The following INSYN2A variants were observed in gnomAD, a reference collection of about 807,000 sequenced individuals.
INSYN2A encodes inhibitory synaptic factor 2A.
INSYN2A carries 17 observed loss-of-function variants against 39.4 expected under a neutral mutation model. The observed-to-expected ratio is 0.43, with a 90% CI of 0.30 to 0.65. The LOEUF is 0.65. Among genes scored for constraint, INSYN2A ranks in the 30% least tolerant of loss-of-function variants. The pLI, the probability that INSYN2A is intolerant of heterozygous loss-of-function variation, is 0.14. For missense variants in INSYN2A, 595 were observed against 631.2 expected, an observed-to-expected ratio of 0.94 and a Z score of 0.61; for synonymous variants, 255 against 265.7, an observed-to-expected ratio of 0.96 and a Z score of 0.39.
At chr10:127,145,361 TC>T (rs2051711792) in intron 5 of INSYN2A, among the ~76,000 whole-genome samples, 1 of 152,092 alleles carries the variant, frequency 6.6e-6, no homozygotes, top group Non-Finnish European at 1.5e-5. Flanking sequence ...TCTTATGCCA[TC>T]CCCCTAGGAA....
chr10:127,188,750 CTT>C (rs1169331964), intron 2 of INSYN2A, among the ~76,000 whole-genome samples: 5 of 152,320 alleles, frequency 3.3e-5, no homozygotes, highest in African/African-American at 1.2e-4. Flanking sequence ...AAAGGTAACA[CTT>C]GTGTATAACA....
chr10:127,166,964 G>GCACA (rs1196948978), intron 4 of INSYN2A, among the ~76,000 whole-genome samples: 1 of 151,788 alleles, frequency 6.6e-6, no homozygotes, highest in Non-Finnish European at 1.5e-5. Context: ...TTGGCATTCT[G>GCACA]CACAGGAAGA....
chr10:127,158,665 A>G (rs1310311878), intron 4 of INSYN2A, among the ~76,000 whole-genome samples: 1 of 152,124 alleles, frequency 6.6e-6, no homozygotes, highest in Non-Finnish European at 1.5e-5. Flanking sequence ...GTGGACAAAA[A>G]CCCTGACAGG....
At position 127,190,664 on chromosome 10, in the gene INSYN2A, TTCCCCCCCCC is replaced by T. The variant is rs1412427153; in HGVS notation, c.-269+1931_-269+1940del. ...TCAAATATTTAATAGAAATCCTATC[TTCCCCCCCCC>T]CCCCCCCCCGTTCCTGCTGGCTCCC... On this transcript the variant is annotated intron_variant, in intron 2 of 5. Transcript: ENST00000522781. 3.6e-3 allele frequency among the ~76,000 whole-genome samples: 55 copies of T among 15,266 alleles called. 19 individuals carry two copies. The East Asian group carries it at 0.081, about 22-fold the overall frequency. 10.0% of individuals were successfully genotyped at this position (15,266 alleles called of 152,430 possible). A position where few individuals can be genotyped will look rare whatever the true frequency, so the allele number is the denominator to read the frequency against.
intron 5 of INSYN2A, among the ~76,000 whole-genome samples, chr10:127,140,988 C>T (rs970010569): frequency 3.3e-5 from 5 of 152,154 alleles, no homozygotes; most frequent in South Asian, 2.1e-4. Flanking sequence ...TCCTGCTGCC[C>T]GGCAGACCTG....
rs75817864 is a variant in INSYN2A, at chr10:127,147,024, G to A, written c.1256+6828C>T. 6.9e-3 allele frequency among the ~76,000 whole-genome samples: 1,047 copies of A among 152,252 alleles called. 9 individuals carry two copies. Among genetic ancestry groups the A allele is most frequent in the Non-Finnish European group, 8.6e-3 (586 of 68,026 alleles). On this transcript the variant is annotated intron_variant, in intron 5 of 5. Coordinates refer to ENST00000522781, the MANE Select transcript of INSYN2A (RefSeq NM_001039762.3). ...AACTCTTTGCACCCTCTGTTTTGTG[G>A]TCTTATTGGTGTTGTAATACATTAC...
At chr10:127,159,899 G>C (rs1372882595) in intron 4 of INSYN2A, among the ~76,000 whole-genome samples, 2 of 152,174 alleles carry the variant, frequency 1.3e-5, no homozygotes, top group Non-Finnish European at 2.9e-5. Flanking sequence ...GGGAGGGCTG[G>C]ACGGCATCTG....
rs964417598 is a variant in INSYN2A, at chr10:127,136,800, A to G, written c.*1037T>C. ...TGTCCCTTGGTAGCAGCTAAACTAAACGCACTGTTTCTCTTTGAGATGGTC... is the reference window on the plus strand; with the variant it reads ...TGTCCCTTGGTAGCAGCTAAACTAAGCGCACTGTTTCTCTTTGAGATGGTC... On this transcript the variant is annotated 3_prime_UTR_variant, in exon 6 of 6. Coordinates refer to ENST00000522781, the MANE Select transcript of INSYN2A (RefSeq NM_001039762.3). 6.6e-6 allele frequency: 1 copy of G among 152,588 alleles called. No individual in the cohort carries two copies. The highest frequency in any genetic ancestry group is 2.4e-5 in the African/African-American group (1 of 41,434). The allele number at this position is 152,588 out of a possible 1,614,324, so 9.5% of individuals were successfully genotyped here.
At chr10:127,172,301 G>A (rs1378199785) in intron 4 of INSYN2A, among the ~76,000 whole-genome samples, 1 of 152,146 alleles carries the variant, frequency 6.6e-6, no homozygotes, top group East Asian at 1.9e-4. Context: ...CACGGTAGCA[G>A]TATTTACACC....
Position 127,139,773 on chromosome 10 carries a change from G to A in INSYN2A, c.1257-1753C>T, listed in dbSNP as rs535384666. 7.9e-4 allele frequency among the ~76,000 whole-genome samples: 120 copies of A among 152,270 alleles called. 2 individuals carry two copies. The highest frequency in any genetic ancestry group is 7.8e-4 in the Non-Finnish European group (53 of 68,028). On this transcript the variant is annotated intron_variant, in intron 5 of 5. Coordinates refer to ENST00000522781, the MANE Select transcript of INSYN2A (RefSeq NM_001039762.3). The stretch of plus-strand genomic sequence containing the variant: ...AGGGGGAGAAAATAGTTCCTTCCCA[G>A]GCTGTCGTAATTACTGAATTGTGGT...
chr10:127,141,738 T>C (rs2051278323), intron 5 of INSYN2A, among the ~76,000 whole-genome samples: 1 of 151,988 alleles, frequency 6.6e-6, no homozygotes, highest in Admixed American at 6.6e-5. Context: ...GACTGCTTTG[T>C]TTTGGCCAAA....
rs1331998549 is a variant in INSYN2A, at chr10:127,177,091, A to G, written c.-220T>C. 1 of 152,086 alleles carries G rather than the reference A, an allele frequency of 6.6e-6. No individual in the cohort carries two copies. The highest frequency in any genetic ancestry group is 1.5e-5 in the Non-Finnish European group (1 of 68,014). The allele number at this position is 152,086 out of a possible 1,614,324, so 9.4% of individuals were successfully genotyped here. A position where few individuals can be genotyped will look rare whatever the true frequency, so the allele number is the denominator to read the frequency against. ...GGGTTTCCCTGCATCTACAAAGGCCATGTTTGCAACTCCTTTTATTCCATG... is the reference window on the plus strand; with the variant it reads ...GGGTTTCCCTGCATCTACAAAGGCCGTGTTTGCAACTCCTTTTATTCCATG... On this transcript the variant is annotated 5_prime_UTR_variant, in exon 3 of 6. It removes an upstream start codon present in the reference 5' UTR. Coordinates refer to ENST00000522781, the MANE Select transcript of INSYN2A (RefSeq NM_001039762.3).
At chr10:127,181,095 A>G (rs1167528) in intron 2 of INSYN2A, among the ~76,000 whole-genome samples, 152,065 of 152,294 alleles carry the variant, frequency 1, 75,918 homozygotes, top group Non-Finnish European at 1. Context: ...GCTATAAGTA[A>G]TTTGTCAAAG....
chr10:127,160,045 C>T (rs74158627), intron 4 of INSYN2A, among the ~76,000 whole-genome samples: 2,135 of 151,938 alleles, frequency 0.014, 50 homozygotes, highest in African/African-American at 0.049. Flanking sequence ...TTAGTGTCTC[C>T]GAGACCTTGA....
chr10:127,167,259 T>C (rs533920998), intron 4 of INSYN2A, among the ~76,000 whole-genome samples: 2 of 152,288 alleles, frequency 1.3e-5, no homozygotes, highest in East Asian at 3.9e-4. Flanking sequence ...ATAACTTATA[T>C]TTGGGGTTTC....
chr10:127,172,552 G>A (rs2054673320), intron 4 of INSYN2A, among the ~76,000 whole-genome samples: 1 of 151,912 alleles, frequency 6.6e-6, no homozygotes, highest in Non-Finnish European at 1.5e-5. Context: ...CCAAATTAAT[G>A]ACCCTGGGGC....
intron 5 of INSYN2A, among the ~76,000 whole-genome samples, chr10:127,144,846 C>T (rs1439269772): frequency 6.6e-6 from 1 of 152,138 alleles, no homozygotes; most frequent in Non-Finnish European, 1.5e-5. Flanking sequence ...CACTGTAGGG[C>T]TTCAAATACC....
At chr10:127,179,717 G>A (rs995683278) in intron 2 of INSYN2A, among the ~76,000 whole-genome samples, 3 of 152,144 alleles carry the variant, frequency 2.0e-5, no homozygotes, top group African/African-American at 7.2e-5. Context: ...ATTCTACAGA[G>A]GACTTTCCCT....
rs527393207 is a variant in INSYN2A, at chr10:127,151,026, T to G, written c.1256+2826A>C. Among the ~76,000 whole-genome samples, 2 of 152,320 alleles carry G rather than the reference T, an allele frequency of 1.3e-5. 1 individual carries two copies. Among genetic ancestry groups the G allele is most frequent in the African/African-American group, 4.8e-5 (2 of 41,566 alleles). On this transcript the variant is annotated intron_variant, in intron 5 of 5. Transcript: ENST00000522781. ...AAATAACATGTTTAAGTTAGGTACG[T>G]GTCAATTTTTTATGATTTCCCCATT...
Sources: allele counts gnomAD v4.1 joint callset (sites outside exome capture counted in the v4.1 genomes callset), GRCh38; gene constraint gnomAD v4.1.1; transcripts MANE v1.5; gene names NCBI Gene and HGNC (gene_info 2026-07-23, HGNC 2026-07-21).